Variants in MALT1 observed in about 807,000 individuals in gnomAD.
MALT1 encodes mucosa-associated lymphoid tissue lymphoma translocation protein 1.
A neutral mutation model predicts 85.5 loss-of-function variants in MALT1; 36 were observed. The observed-to-expected ratio is 0.42, with a 90% CI of 0.32 to 0.56. The LOEUF is 0.56. MALT1 is among the 20% of genes least tolerant of loss of function. MALT1 has a pLI of 0.10. For missense variants in MALT1, 716 were observed against 981.6 expected, an observed-to-expected ratio of 0.73 and a Z score of 3.62; for synonymous variants, 359 against 361.3, an observed-to-expected ratio of 0.99 and a Z score of 0.07.
At chr18:58,686,374 T>C (rs780435391) in intron 2 of MALT1, among the ~76,000 whole-genome samples, 3 of 152,198 alleles carry the variant, frequency 2.0e-5, no homozygotes, top group Admixed American at 6.5e-5. Flanking sequence ...TGTAGAATTA[T>C]AGGCTTCATC....
At position 58,732,211 on chromosome 18, in the gene MALT1, G is replaced by A. The variant is rs138418575; in HGVS notation, c.1223-1186G>A. ...AGAATATTGAGAGAGCAAAATCAGT[G>A]GGCTCCAGATATTGCAAGCAGAGGG... is the stretch of plus-strand genomic sequence containing the variant. On this transcript the variant is annotated intron_variant, in intron 10 of 16. Transcript: ENST00000649217. Among the ~76,000 whole-genome samples the A allele has an allele frequency of 3.0e-4, 45 of 152,204 alleles. No individual in the cohort carries two copies. In the East Asian group the frequency reaches 8.5e-3, roughly 29 times the overall value.
Position 58,714,083 on chromosome 18 carries a change from ATGAAT to A in MALT1, c.961_965del (p.Glu321LysfsTer2). 1 of 1,238,152 alleles carries A rather than the reference ATGAAT, an allele frequency of 8.1e-7. No homozygotes were observed. Among genetic ancestry groups the A allele is most frequent in the Non-Finnish European group, 1.2e-6 (1 of 860,130 alleles). 76.7% of individuals were successfully genotyped at this position (1,238,152 alleles called of 1,614,324 possible). A position where few individuals can be genotyped will look rare whatever the true frequency, so the allele number is the denominator to read the frequency against. On this transcript the variant is annotated frameshift_variant and splice_region_variant, in exon 8 of 17. Coordinates refer to ENST00000649217, the MANE Select transcript of MALT1 (RefSeq NM_006785.4). LOFTEE classifies it high-confidence loss of function. Reference sequence around the variant, plus strand: ...TCTATTTTCTCTTACTTTGTTTTAGATGAATTAAATAATCTTGGTCATCCTGGTGA... The same window carrying A: ...TCTATTTTCTCTTACTTTGTTTTAGATAAATAATCTTGGTCATCCTGGTGA...
At position 58,752,555 on chromosome 18, in the gene MALT1, G is replaced by C. The variant is rs146101988; in HGVS notation, c.*4713G>C. On this transcript the variant is annotated 3_prime_UTR_variant, in exon 17 of 17. Transcript: ENST00000649217. ...GCACTTCGGGAGACTGCGGTAAGCA[G>C]ATCATTTGAACCCAGGAGTTTGAGA... 5.6e-5 allele frequency: 8 copies of C among 143,412 alleles called. No homozygotes were observed. The highest frequency in any genetic ancestry group is 1.8e-4 in the African/African-American group (7 of 38,846). 8.9% of individuals were successfully genotyped at this position (143,412 alleles called of 1,614,324 possible).
chr18:58,733,942 TC>T lies in MALT1; in HGVS notation c.1401-363del, dbSNP rs934425339. ...TCTGCTCACTAGTCAGTCCTGGTCT[TC>T]CAGACATGGAATGAGTAGCCGAAGC... On this transcript the variant is annotated intron_variant, in intron 11 of 16. Transcript: ENST00000649217. 6.1e-6 allele frequency: 7 copies of T among 1,150,518 alleles called. No individual in the cohort carries two copies. The African/African-American group carries it at 1.1e-4, about 18-fold the overall frequency. The allele number at this position is 1,150,518 out of a possible 1,614,324, so 71.3% of individuals were successfully genotyped here.
intron 9 of MALT1, among the ~76,000 whole-genome samples, chr18:58,722,229 A>G (rs1478476922): frequency 6.6e-6 from 1 of 152,038 alleles, no homozygotes; most frequent in African/African-American, 2.4e-5. Context: ...GCACTAAGCT[A>G]GGTCTGGCTT....
chr18:58,736,757 C>T (rs572540330), intron 13 of MALT1, among the ~76,000 whole-genome samples: 2 of 152,322 alleles, frequency 1.3e-5, no homozygotes, highest in South Asian at 2.1e-4. Context: ...ATTGCCCAGG[C>T]AGGAAGACCC....
Position 58,681,469 on chromosome 18 carries a change from C to T in MALT1, c.376+133C>T, listed in dbSNP as rs796859286. The T allele has an allele frequency of 1.4e-5, 11 of 765,852 alleles. No homozygotes were observed. The African/African-American group carries it at 2.0e-4, about 14-fold the overall frequency. 47.4% of individuals were successfully genotyped at this position (765,852 alleles called of 1,614,324 possible). On this transcript the variant is annotated intron_variant, in intron 2 of 16. Coordinates refer to ENST00000649217, the MANE Select transcript of MALT1 (RefSeq NM_006785.4). ...AATGTGTAGTGCCTTGTTTGCTTTCCCAGGTTGAAGCAAATGCAATGCATG... is the reference window on the plus strand; with the variant it reads ...AATGTGTAGTGCCTTGTTTGCTTTCTCAGGTTGAAGCAAATGCAATGCATG...
At chr18:58,734,824 T>C (rs1302574317) in intron 12 of MALT1, among the ~76,000 whole-genome samples, 1 of 152,214 alleles carries the variant, frequency 6.6e-6, no homozygotes, top group Non-Finnish European at 1.5e-5. Context: ...CTTATTGGTG[T>C]ATACAGAAGT....
chr18:58,725,606 T>A (rs1363289808), intron 10 of MALT1, among the ~76,000 whole-genome samples: 1 of 152,192 alleles, frequency 6.6e-6, no homozygotes, highest in Non-Finnish European at 1.5e-5. Flanking sequence ...CTAGAAGTGA[T>A]GAGGTGTAAG....
chr18:58,694,378 A>G (rs2054557535), intron 2 of MALT1, among the ~76,000 whole-genome samples: 1 of 152,016 alleles, frequency 6.6e-6, no homozygotes, highest in Admixed American at 6.6e-5. Context: ...GATTACTGTT[A>G]TTTACACTGT....
At position 58,735,345 on chromosome 18, in the gene MALT1, A is replaced by C; in HGVS notation, c.1603+16A>C. 7 of 1,587,470 alleles carry C rather than the reference A, an allele frequency of 4.4e-6. No individual in the cohort carries two copies. Among genetic ancestry groups the C allele is most frequent in the Non-Finnish European group, 6.0e-6 (7 of 1,174,550 alleles). On this transcript the variant is annotated intron_variant, in intron 13 of 16. Coordinates refer to ENST00000649217, the MANE Select transcript of MALT1 (RefSeq NM_006785.4). ...GTTGCAGAAGGTAAAATAAAAAATA[A>C]AGAGAAAAGTACTCAGAAAAAGGAG...
chr18:58,690,527 C>A (rs1012597990), intron 2 of MALT1: 2 of 171,188 alleles, frequency 1.2e-5, no homozygotes, highest in Admixed American at 6.1e-5. Context: ...GGAGCCCATC[C>A]CCTCTGTGAG....
At chr18:58,744,542 TTAAAGAC>T (rs763506552) in intron 15 of MALT1, 47 bp downstream of exon 15, 1 of 1,287,484 alleles carries the variant, frequency 7.8e-7, no homozygotes, top group Non-Finnish European at 1.1e-6. Flanking sequence ...TTCTCACTTA[TTAAAGAC>T]TAAATTTTTT....
At chr18:58,684,015 T>C (rs907548451) in intron 2 of MALT1, among the ~76,000 whole-genome samples, 2 of 152,218 alleles carry the variant, frequency 1.3e-5, no homozygotes, top group African/African-American at 4.8e-5. Context: ...CACTGCAACT[T>C]CTGCCTCCGG....
intron 1 of MALT1, among the ~76,000 whole-genome samples, chr18:58,679,696 C>T (rs768559246): frequency 6.6e-6 from 1 of 152,148 alleles, no homozygotes; most frequent in Non-Finnish European, 1.5e-5. Flanking sequence ...TACAGGCGTG[C>T]ACCACCACAC....
intron 9 of MALT1, among the ~76,000 whole-genome samples, chr18:58,721,340 A>G (rs1174007775): frequency 6.6e-6 from 1 of 152,200 alleles, no homozygotes; most frequent in South Asian, 2.1e-4. Flanking sequence ...AGATCATGCC[A>G]TTGCACTCCA....
intron 1 of MALT1, among the ~76,000 whole-genome samples, chr18:58,679,176 T>C (rs1249120242): frequency 6.6e-6 from 1 of 152,266 alleles, no homozygotes; most frequent in Admixed American, 6.5e-5. Flanking sequence ...GATCTGATCT[T>C]AACCTGTCTT....
At chr18:58,674,781 G>A (rs2054216565) in intron 1 of MALT1, among the ~76,000 whole-genome samples, 2 of 152,168 alleles carry the variant, frequency 1.3e-5, no homozygotes, top group Non-Finnish European at 2.9e-5. Context: ...CAAGTCCCAC[G>A]AGGCTGTGAA....
chr18:58,720,949 G>C (rs1305065563), intron 9 of MALT1, among the ~76,000 whole-genome samples: 1 of 152,166 alleles, frequency 6.6e-6, no homozygotes, highest in Non-Finnish European at 1.5e-5. Flanking sequence ...AGACTGATTT[G>C]AGTCTGTCAC....
Sources: allele counts gnomAD v4.1 joint callset (sites outside exome capture counted in the v4.1 genomes callset), GRCh38; gene constraint gnomAD v4.1.1; transcripts MANE v1.5; gene names NCBI Gene and HGNC (gene_info 2026-07-23, HGNC 2026-07-21).